SYT1: variants seen among roughly 807,000 people sequenced by gnomAD.
The protein encoded by SYT1 is synaptotagmin 1.
SYT1 carries 8 observed loss-of-function variants against 44.8 expected under a neutral mutation model. The ratio of observed to expected loss-of-function variants is 0.18; its 90% CI spans 0.10 to 0.32. SYT1 has a LOEUF of 0.32. SYT1 is among the 10% of genes least tolerant of loss of function. The pLI, the probability that SYT1 is intolerant of heterozygous loss-of-function variation, is 1.00. For missense variants in SYT1, 286 were observed against 509.3 expected, an observed-to-expected ratio of 0.56 and a Z score of 4.22; for synonymous variants, 154 against 188.8, an observed-to-expected ratio of 0.82 and a Z score of 1.51.
chr12:78,970,337 T>C lies in SYT1; in HGVS notation c.-216-7462T>C, dbSNP rs12369810. ...AAGTGAGAAATAAAGAAAGCAAGGT[T>C]ATGGGAACTGGTTTTAGTTTTAGGC... On this transcript the variant is annotated intron_variant, in intron 1 of 10. Transcript: ENST00000261205. 4.8e-3 allele frequency among the ~76,000 whole-genome samples: 737 copies of C among 152,288 alleles called. 2 individuals carry two copies. Among genetic ancestry groups the C allele is most frequent in the Non-Finnish European group, 7.8e-3 (529 of 68,016 alleles).
At chr12:78,957,201 G>T (rs764646911) in intron 1 of SYT1, among the ~76,000 whole-genome samples, 1 of 152,234 alleles carries the variant, frequency 6.6e-6, no homozygotes, top group Non-Finnish European at 1.5e-5. Flanking sequence ...GGTCACAGTG[G>T]CTCATGCCTG....
chr12:79,409,061 G>A (rs1868328976), intron 9 of SYT1, among the ~76,000 whole-genome samples: 1 of 151,988 alleles, frequency 6.6e-6, no homozygotes, highest in South Asian at 2.1e-4. Context: ...AAAGCAAGCA[G>A]TTAGTTCCAC....
chr12:79,062,608 C>T (rs1199192438), intron 3 of SYT1, among the ~76,000 whole-genome samples: 2 of 152,040 alleles, frequency 1.3e-5, no homozygotes, highest in African/African-American at 2.4e-5. Flanking sequence ...AAAGTTTAAA[C>T]TTCATTCTTA....
At chr12:79,243,406 T>G (rs1394262005) in intron 4 of SYT1, among the ~76,000 whole-genome samples, 1 of 152,232 alleles carries the variant, frequency 6.6e-6, no homozygotes, top group African/African-American at 2.4e-5. Context: ...GCAACTTTGC[T>G]GGTAAATTAA....
chr12:79,207,257 C>G (rs918028027), intron 3 of SYT1, among the ~76,000 whole-genome samples: 5 of 152,194 alleles, frequency 3.3e-5, no homozygotes, highest in Admixed American at 2.6e-4. Context: ...AAGGAGCTAT[C>G]GATGGGCACA....
At chr12:79,264,134 A>G (rs187409254) in intron 4 of SYT1, among the ~76,000 whole-genome samples, 41 of 152,018 alleles carry the variant, frequency 2.7e-4, no homozygotes, top group Admixed American at 4.6e-4. Context: ...TAAATTTACC[A>G]TCTATGAATA....
chr12:79,218,549 A>T (rs1874955598), intron 4 of SYT1, among the ~76,000 whole-genome samples: 1 of 152,166 alleles, frequency 6.6e-6, no homozygotes, highest in South Asian at 2.1e-4. Flanking sequence ...CACCACAGCC[A>T]CTGGTAACCA....
chr12:79,240,822 G>A (rs1249689476), intron 4 of SYT1, among the ~76,000 whole-genome samples: 1 of 152,146 alleles, frequency 6.6e-6, no homozygotes, highest in Non-Finnish European at 1.5e-5. Flanking sequence ...GCAAGGTGTT[G>A]ATATTGTCTT....
rs184843400 is a variant in SYT1 at position 79,166,780 on chromosome 12, G to A, written c.-17-50723G>A. On this transcript the variant is annotated intron_variant, in intron 3 of 10. Coordinates refer to ENST00000261205, the MANE Select transcript of SYT1 (RefSeq NM_005639.3). The stretch of plus-strand genomic sequence containing the variant: ...TATACAAATGTTGGTTGGATTATAC[G>A]GGAAGCTTTAGAGATGCCTTTGCAC... 2.4e-3 allele frequency among the ~76,000 whole-genome samples: 368 copies of A among 152,092 alleles called. 4 individuals are homozygous for A. Among genetic ancestry groups the A allele is most frequent in the African/African-American group, 8.1e-3 (337 of 41,536 alleles).
chr12:79,369,807 A>T (rs1444032586), intron 9 of SYT1, among the ~76,000 whole-genome samples: 2 of 152,128 alleles, frequency 1.3e-5, no homozygotes, highest in African/African-American at 4.8e-5. Context: ...TGTCACTTGA[A>T]ATTTTGTTTT....
chr12:79,442,946 A>G (rs1870511315), intron 9 of SYT1, among the ~76,000 whole-genome samples: 2 of 152,212 alleles, frequency 1.3e-5, no homozygotes, highest in Non-Finnish European at 2.9e-5. Flanking sequence ...TTCTATAATG[A>G]ACATGCATTA....
At chr12:78,931,262 G>A (rs1320327217) in intron 1 of SYT1, among the ~76,000 whole-genome samples, 36 of 74,796 alleles carry the variant, frequency 4.8e-4, no homozygotes, top group South Asian at 6.6e-4. Context: ...AAGGAAGGAA[G>A]GAAGGAAGGA....
chr12:79,218,946 T>C (rs1874983012), intron 4 of SYT1, among the ~76,000 whole-genome samples: 1 of 152,202 alleles, frequency 6.6e-6, no homozygotes, highest in Non-Finnish European at 1.5e-5. Flanking sequence ...CATACTGTTT[T>C]CCATAGTGGT....
intron 9 of SYT1, among the ~76,000 whole-genome samples, chr12:79,417,566 A>T (rs930036739): frequency 6.6e-6 from 1 of 152,006 alleles, no homozygotes; most frequent in Non-Finnish European, 1.5e-5. Flanking sequence ...TAAAATATTT[A>T]ATTGGTTTTA....
chr12:78,989,485 G>A (rs568969295), intron 2 of SYT1, among the ~76,000 whole-genome samples: 43 of 152,096 alleles, frequency 2.8e-4, no homozygotes, highest in Middle Eastern at 3.4e-3. Flanking sequence ...TAGCCCCCCC[G>A]TTCCCAGACT....
At chr12:78,926,408 T>C (rs1369384529) in intron 1 of SYT1, among the ~76,000 whole-genome samples, 1 of 152,124 alleles carries the variant, frequency 6.6e-6, no homozygotes, top group Non-Finnish European at 1.5e-5. Context: ...AGTAAATATG[T>C]CAGAGAACAG....
At chr12:79,370,374 C>T (rs1207248227) in intron 9 of SYT1, among the ~76,000 whole-genome samples, 1 of 152,166 alleles carries the variant, frequency 6.6e-6, no homozygotes, top group Non-Finnish European at 1.5e-5. Flanking sequence ...CTATAAAGAC[C>T]TGAACTGGGA....
intron 1 of SYT1, among the ~76,000 whole-genome samples, chr12:78,937,759 A>AT (rs1398833735): frequency 6.6e-6 from 1 of 152,176 alleles, no homozygotes; most frequent in Non-Finnish European, 1.5e-5. Flanking sequence ...TTTCTGGAAA[A>AT]TTCTATAGTG....
chr12:79,120,606 T>G (rs61927270), intron 3 of SYT1, among the ~76,000 whole-genome samples: 17,006 of 152,142 alleles, frequency 0.11, 1,017 homozygotes, highest in African/African-American at 0.12. Context: ...ATGCAAAGTA[T>G]CCTCTAAAAC....
Sources: allele counts gnomAD v4.1 joint callset (sites outside exome capture counted in the v4.1 genomes callset), GRCh38; gene constraint gnomAD v4.1.1; transcripts MANE v1.5; gene names NCBI Gene and HGNC (gene_info 2026-07-23, HGNC 2026-07-21).